Variants in MCCC1 observed in about 807,000 individuals in gnomAD.
The protein encoded by MCCC1 is methylcrotonyl-CoA carboxylase subunit 1.
A neutral mutation model predicts 83.8 loss-of-function variants in MCCC1; 64 were observed. The ratio of observed to expected loss-of-function variants is 0.76; its 90% CI spans 0.62 to 0.94. The LOEUF (loss-of-function observed/expected upper bound fraction) is 0.94, where lower values mean the gene tolerates loss of function less well. MCCC1 is among the 40% of genes least tolerant of loss of function. MCCC1 has a pLI of 0.00. For synonymous variants in MCCC1, 322 were observed against 315.4 expected, an observed-to-expected ratio of 1.02 and a Z score of -0.22; for missense variants, 807 against 904.7, an observed-to-expected ratio of 0.89 and a Z score of 1.39.
chr3:183,106,793 A>G (rs999138209), intron 1 of MCCC1, among the ~76,000 whole-genome samples: 4 of 151,954 alleles, frequency 2.6e-5, no homozygotes, highest in Non-Finnish European at 5.9e-5. Context: ...CACCACGCCC[A>G]GCCCAAATGT....
At chr3:183,049,312 G>T (rs1225961494) in intron 9 of MCCC1, among the ~76,000 whole-genome samples, 2 of 151,932 alleles carry the variant, frequency 1.3e-5, no homozygotes, top group African/African-American at 4.8e-5. Flanking sequence ...TCCTTGAAAA[G>T]ATCAATAAAA....
chr3:183,113,523 C>G (rs1719536328), intron 1 of MCCC1, among the ~76,000 whole-genome samples: 1 of 151,158 alleles, frequency 6.6e-6, no homozygotes, highest in Non-Finnish European at 1.5e-5. Flanking sequence ...ATGTAACAAA[C>G]CTGCACATTG....
chr3:183,099,546 CCGT>C, upstream of MCCC1: 2 of 1,336,466 alleles, frequency 1.5e-6, no homozygotes, highest in South Asian at 2.5e-5. Context: ...CCGCCGGCCA[CCGT>C]CGGAGCCTGA....
rs137946511 is a variant in MCCC1 at position 183,049,166 on chromosome 3, T to G, written c.955+2993A>C. 9.7e-4 allele frequency among the ~76,000 whole-genome samples: 147 copies of G among 152,236 alleles called. 2 individuals are homozygous for G. Among genetic ancestry groups the G allele is most frequent in the African/African-American group, 3.4e-3 (140 of 41,546 alleles). ...AAATACCAAAATCAAGAATCTAAGC[T>G]TATATTTTAATTAATGAGAAGAGAA... On this transcript the variant is annotated intron_variant, in intron 9 of 18. Transcript: ENST00000265594.
chr3:183,080,622 G>A (rs764616400), intron 4 of MCCC1, among the ~76,000 whole-genome samples: 6 of 152,050 alleles, frequency 3.9e-5, no homozygotes, highest in African/African-American at 1.2e-4. Context: ...GCCTGTTACC[G>A]AGTTCCAAAG....
chr3:183,074,292 A>T (rs998124417), intron 4 of MCCC1, among the ~76,000 whole-genome samples: 2 of 152,208 alleles, frequency 1.3e-5, no homozygotes, highest in African/African-American at 2.4e-5. Flanking sequence ...CCCACAGAAG[A>T]GGAAATTCAG....
chr3:183,039,609 T>A (rs1193934058), intron 11 of MCCC1, among the ~76,000 whole-genome samples: 3 of 152,202 alleles, frequency 2.0e-5, no homozygotes, highest in Non-Finnish European at 4.4e-5. Flanking sequence ...CTGGCAAAAC[T>A]GATAAACCAA....
intron 9 of MCCC1, 46 bp from the exon 10 acceptor site, chr3:183,045,586 T>C (rs776071328): frequency 6.8e-6 from 11 of 1,607,244 alleles, no homozygotes; most frequent in African/African-American, 1.3e-5. Context: ...GTATAATCAG[T>C]AGCAAACCAA....
At chr3:183,074,155 A>T (rs1213902760) in intron 4 of MCCC1, among the ~76,000 whole-genome samples, 2 of 152,216 alleles carry the variant, frequency 1.3e-5, no homozygotes, top group Non-Finnish European at 2.9e-5. Context: ...AAACCACTCA[A>T]AGCAAAACCG....
intron 4 of MCCC1, among the ~76,000 whole-genome samples, chr3:183,079,274 G>A (rs953825018): frequency 2.0e-5 from 3 of 152,100 alleles, no homozygotes; most frequent in Admixed American, 6.6e-5. Context: ...AGTCCCTTCC[G>A]CCTATAAGCC....
rs1711538677 is a variant in MCCC1 at position 183,015,430 on chromosome 3, G to C, written c.*8C>G. 1 of 1,613,970 alleles carries C rather than the reference G, an allele frequency of 6.2e-7. No homozygotes were observed. The highest frequency in any genetic ancestry group is 8.5e-7 in the Non-Finnish European group (1 of 1,179,980). On this transcript the variant is annotated 3_prime_UTR_variant, in exon 19 of 19. Transcript: ENST00000265594. The stretch of plus-strand genomic sequence containing the variant: ...ACACTACTTAACTGGCCATTTCCTT[G>C]CTGGAGTTTATTCCGATTCCCTTTT...
chr3:183,025,682 G>C (rs1712536253), intron 15 of MCCC1, 73 bp downstream of exon 15: 2 of 1,297,398 alleles, frequency 1.5e-6, no homozygotes, highest in Non-Finnish European at 2.2e-6. Context: ...AAACCAGAGA[G>C]TGAAAGACCC....
intron 9 of MCCC1, among the ~76,000 whole-genome samples, chr3:183,049,477 CAGG>C (rs1714794997): frequency 6.6e-6 from 1 of 150,730 alleles, no homozygotes; most frequent in African/African-American, 2.4e-5. Context: ...GAGGCTGAGG[CAGG>C]AGAATTGCTT....
At chr3:183,049,586 A>G (rs1400215277) in intron 9 of MCCC1, among the ~76,000 whole-genome samples, 1 of 151,466 alleles carries the variant, frequency 6.6e-6, no homozygotes, top group Non-Finnish European at 1.5e-5. Flanking sequence ...AAAAAAAAAG[A>G]AAAAAGAAAA....
intron 1 of MCCC1, among the ~76,000 whole-genome samples, chr3:183,113,436 G>T (rs1409219825): frequency 1.4e-5 from 2 of 147,838 alleles, no homozygotes; most frequent in African/African-American, 2.5e-5. Context: ...GAGGGGGGAC[G>T]GATAGCATTA....
At chr3:183,061,002 G>A (rs993222545) in intron 7 of MCCC1, among the ~76,000 whole-genome samples, 1 of 152,112 alleles carries the variant, frequency 6.6e-6, no homozygotes, top group Non-Finnish European at 1.5e-5. Flanking sequence ...AAGTGCCTGC[G>A]CTCACTGAAG....
At chr3:183,091,383 C>T (rs746860643) in intron 3 of MCCC1, among the ~76,000 whole-genome samples, 2 of 152,022 alleles carry the variant, frequency 1.3e-5, no homozygotes, top group East Asian at 3.9e-4. Context: ...TTTTGGCCAA[C>T]ATGGTGAAAT....
rs398124352 is a variant in MCCC1 at position 183,039,088 on chromosome 3, C to T, written c.1315G>A (p.Val439Met). ...GCCGCCTGGCGATCTGCTGCCCACA[C>T]GACCAGCTTCGCAATCATGGGGTCA... is the stretch of plus-strand genomic sequence containing the variant. ...HYDPMIAKLV[V>M]WAADRQAALT... Residue 439 changes from valine to methionine, a missense_variant, in exon 12 of 19, where the codon GTG becomes ATG. Coordinates refer to ENST00000265594, the MANE Select transcript of MCCC1 (RefSeq NM_020166.5). 6.8e-6 allele frequency: 11 copies of T among 1,614,104 alleles called. No homozygotes were observed. Among genetic ancestry groups the T allele is most frequent in the Admixed American group, 1.7e-5 (1 of 60,008 alleles).
At position 183,038,331 on chromosome 3, in the gene MCCC1, C is replaced by A. The variant is rs149904231; in HGVS notation, c.1377+695G>T. 3.0e-4 allele frequency among the ~76,000 whole-genome samples: 46 copies of A among 152,248 alleles called. No homozygotes were observed. In the East Asian group the frequency reaches 7.9e-3, roughly 26 times the overall value. On this transcript the variant is annotated intron_variant, in intron 12 of 18. Coordinates refer to ENST00000265594, the MANE Select transcript of MCCC1 (RefSeq NM_020166.5). ...GCAGGGTAGTCAGGAGGGAGCCCTG[C>A]AATCATGTGGGGGAAGAACATTCTG... is the stretch of plus-strand genomic sequence containing the variant.
Sources: gnomAD v4.1 joint callset for allele counts (sites outside exome capture counted in the v4.1 genomes callset) on GRCh38, gnomAD v4.1.1 for gene constraint, MANE v1.5 for transcripts, NCBI Gene and HGNC (gene_info 2026-07-23, HGNC 2026-07-21) for gene names.